WAPL: variants seen among roughly 807,000 people sequenced by gnomAD.
WAPL encodes the protein wings apart-like protein homolog.
WAPL carries 5 observed loss-of-function variants against 121.0 expected under a neutral mutation model. The ratio of observed to expected loss-of-function variants is 0.04; its 90% CI spans 0.02 to 0.09. The LOEUF is 0.09. Ranked by LOEUF, WAPL falls within the 10% of genes least tolerant of loss-of-function variation. The pLI, the probability that WAPL is intolerant of heterozygous loss-of-function variation, is 1.00. For synonymous variants in WAPL, 480 were observed against 481.5 expected, an observed-to-expected ratio of 1.00 and a Z score of 0.04; for missense variants, 999 against 1,410.8, an observed-to-expected ratio of 0.71 and a Z score of 4.68.
At chr10:86,453,522 C>G (rs1455832395) in intron 13 of WAPL, 134 bp downstream of exon 13, 1 of 1,234,854 alleles carries the variant, frequency 8.1e-7, no homozygotes, top group Non-Finnish European at 1.1e-6. Flanking sequence ...GCAATTTAAA[C>G]CTACACATGA....
At chr10:86,478,702 T>G (rs982612286) in intron 4 of WAPL, among the ~76,000 whole-genome samples, 2 of 152,136 alleles carry the variant, frequency 1.3e-5, no homozygotes, top group Non-Finnish European at 2.9e-5. Flanking sequence ...TCATGAGAGA[T>G]AATATAGTTT....
At chr10:86,460,368 T>C (rs948731876) in intron 11 of WAPL, 31 bp downstream of exon 11, 1 of 1,571,588 alleles carries the variant, frequency 6.4e-7, no homozygotes, top group East Asian at 2.2e-5. Context: ...TAAGACTGAA[T>C]AATTTTTGCC....
Position 86,472,428 on chromosome 10 carries a change from G to A in WAPL, c.1894-84C>T. ...TGGGCTCACTGTACTTTACATAAGT[G>A]CATAAAATAGTTCATTAGATGGCAA... On this transcript the variant is annotated intron_variant, in intron 6 of 18. Transcript: ENST00000298767. This position sits in a 1 kb window ranked among gnomAD's most constrained non-coding sequence, Gnocchi z 4.2. The A allele has an allele frequency of 6.6e-7, 1 of 1,523,450 alleles. No individual in the cohort carries two copies. The highest frequency in any genetic ancestry group is 2.4e-5 in the Admixed American group (1 of 41,420). 94.4% of individuals were successfully genotyped at this position (1,523,450 alleles called of 1,614,324 possible).
At chr10:86,453,463 A>G (rs1454889129) in intron 13 of WAPL, 128 bp from the exon 14 acceptor site, 6 of 1,210,246 alleles carry the variant, frequency 5.0e-6, no homozygotes, top group Non-Finnish European at 6.9e-6. Context: ...CATACTATTG[A>G]TACTTCTGGG....
chr10:86,453,159 T>A, intron 14 of WAPL, 61 bp downstream of exon 14: 2 of 1,508,950 alleles, frequency 1.3e-6, no homozygotes, highest in Non-Finnish European at 1.8e-6. Flanking sequence ...AAACTAAGGT[T>A]AACATTTTGC....
chr10:86,455,875 G>C (rs866470330), intron 12 of WAPL, among the ~76,000 whole-genome samples: 7 of 152,076 alleles, frequency 4.6e-5, no homozygotes, highest in Non-Finnish European at 1.5e-5. Context: ...CGATATTACT[G>C]CATTAGGTTC....
chr10:86,518,242 A>G (rs902750958), intron 1 of WAPL, among the ~76,000 whole-genome samples, 151 bp from the exon 2 acceptor site: 1 of 152,236 alleles, frequency 6.6e-6, no homozygotes, highest in African/African-American at 2.4e-5. Flanking sequence ...AGGGGTATAA[A>G]GAAAGGCTGA....
rs933162261 is a variant in WAPL, at chr10:86,472,946, A to G, written c.1741-182T>C. Among the ~76,000 whole-genome samples the G allele has an allele frequency of 1.4e-4, 21 of 152,200 alleles. No homozygotes were observed. Among genetic ancestry groups the G allele is most frequent in the African/African-American group, 4.6e-4 (19 of 41,462 alleles). On this transcript the variant is annotated intron_variant, in intron 5 of 18. Transcript: ENST00000298767. The surrounding 1 kb of genome is among the most constrained non-coding windows in gnomAD (Gnocchi z 4.2). ...AATTCCATGCACTAACAGGTAAGAC[A>G]TATGTATATCTGCACACAGAAGAAC...
At chr10:86,466,978 G>A in intron 9 of WAPL, 1 of 293,840 alleles carries the variant, frequency 3.4e-6, no homozygotes, top group Non-Finnish European at 6.5e-6. Context: ...TGGTATTATA[G>A]GCATGAACCA....
chr10:86,454,561 G>A (rs1461498946), intron 12 of WAPL, among the ~76,000 whole-genome samples: 2 of 152,242 alleles, frequency 1.3e-5, no homozygotes, highest in African/African-American at 2.4e-5. Flanking sequence ...CTGGAGTGCA[G>A]TGGCGTGATC....
At chr10:86,473,077 A>G (rs1841569434) in intron 5 of WAPL, among the ~76,000 whole-genome samples, 2 of 152,190 alleles carry the variant, frequency 1.3e-5, no homozygotes, top group African/African-American at 4.8e-5. Flanking sequence ...TGCATGCAAA[A>G]ATAGCTTTCA....
chr10:86,437,996 C>T lies in WAPL; in HGVS notation c.3431G>A (p.Arg1144Gln). 1.9e-6 allele frequency: 3 copies of T among 1,613,668 alleles called. No homozygotes were observed. Among genetic ancestry groups the T allele is most frequent in the East Asian group, 2.2e-5 (1 of 44,844 alleles). ...AAAGTCTCCTTCTGGCAGATATTCC[C>T]GCACAGTGGTTACATTGATCTGAGG... ...QESPINVTTV[R>Q]EYLPEGDFSI... Residue 1144 changes from arginine to glutamine, a missense_variant, in exon 18 of 19, where the codon CGG (arginine) becomes CAG (glutamine). This residue lies in a region of WAPL where 35 missense variants were observed against 80.3 expected (regional missense o/e 0.44). Transcript: ENST00000298767.
intron 2 of WAPL, among the ~76,000 whole-genome samples, chr10:86,504,943 C>T (rs1009799689): frequency 3.3e-5 from 5 of 151,876 alleles, no homozygotes; most frequent in African/African-American, 1.2e-4. Context: ...TGAAAAAAGC[C>T]CACTCATCTC....
At chr10:86,454,805 C>T (rs1269802064) in intron 12 of WAPL, among the ~76,000 whole-genome samples, 5 of 151,012 alleles carry the variant, frequency 3.3e-5, no homozygotes, top group South Asian at 2.1e-4. Context: ...TCTGCCCGGC[C>T]GCCCATCGTC....
intron 2 of WAPL, among the ~76,000 whole-genome samples, chr10:86,502,437 C>A (rs532006586): frequency 4.1e-4 from 63 of 152,122 alleles, no homozygotes; most frequent in African/African-American, 1.5e-3. Flanking sequence ...TTTTTGGAGT[C>A]CTTATCTGTT....
In WAPL at chr10:86,436,932, T is replaced by C. The variant is rs768361717; in HGVS notation, c.*611A>G. 3 of 152,552 alleles carry C rather than the reference T, an allele frequency of 2.0e-5. No individual in the cohort carries two copies. The highest frequency in any genetic ancestry group is 4.4e-5 in the Non-Finnish European group (3 of 68,042). The allele number at this position is 152,552 out of a possible 1,614,324, so 9.4% of individuals were successfully genotyped here. A position where few individuals can be genotyped will look rare whatever the true frequency, so the allele number is the denominator to read the frequency against. On this transcript the variant is annotated 3_prime_UTR_variant, in exon 19 of 19. Transcript: ENST00000298767. The stretch of plus-strand genomic sequence containing the variant: ...AAACCTAATCAAGAATAAAAAAATA[T>C]ACTATTAATCCCGTGTATCTTTGGA...
intron 4 of WAPL, among the ~76,000 whole-genome samples, chr10:86,486,986 A>G (rs1296740384): frequency 1.3e-5 from 2 of 151,996 alleles, no homozygotes; most frequent in African/African-American, 2.4e-5. Flanking sequence ...AAAGGTATAA[A>G]TATTGGAGAA....
chr10:86,476,674 G>A (rs1387114662), intron 4 of WAPL, among the ~76,000 whole-genome samples: 1 of 144,644 alleles, frequency 6.9e-6, no homozygotes, highest in Admixed American at 7.0e-5. Context: ...GGGCGACAAA[G>A]CGAGACTGTC....
At position 86,472,738 on chromosome 10, in the gene WAPL, A is replaced by T; in HGVS notation, c.1767T>A (p.Asn589Lys). The stretch of plus-strand genomic sequence containing the variant: ...CCTTAAAAACTCCATCATCTTTTTG[A>T]TTTGGTTCCTTTGAAGACAGCCTCA... ...VTVRLSSKEP[N>K]QKDDGVFKAP... Residue 589 changes from asparagine to lysine, a missense_variant, in exon 6 of 19, where the codon AAT (asparagine) becomes AAA (lysine). Physicochemically the swap from Asn to Lys is moderately conservative, Grantham distance 94 (BLOSUM62 0). Transcript: ENST00000298767. The surrounding 1 kb of genome is among the most constrained non-coding windows in gnomAD (Gnocchi z 4.2). 1 of 1,613,262 alleles carries T rather than the reference A, an allele frequency of 6.2e-7. No individual in the cohort carries two copies. The highest frequency in any genetic ancestry group is 8.5e-7 in the Non-Finnish European group (1 of 1,179,574).
Sources: gnomAD v4.1 joint callset for allele counts (sites outside exome capture counted in the v4.1 genomes callset) on GRCh38, gnomAD v4.1.1 for gene constraint, gnomAD v4.1.1 regional missense constraint, Gnocchi (gnomAD v3.1) non-coding constraint, MANE v1.5 for transcripts, NCBI Gene and HGNC (gene_info 2026-07-23, HGNC 2026-07-21) for gene names.